The following DEAF1 variants were observed in gnomAD, a reference collection of about 807,000 sequenced individuals.
DEAF1 encodes deformed epidermal autoregulatory factor 1 homolog.
Under a neutral mutation model 58.9 loss-of-function variants are expected in DEAF1, and 53 were observed. The ratio of observed to expected loss-of-function variants is 0.90; its 90% CI spans 0.72 to 1.13. The LOEUF is 1.13. DEAF1 is among the 50% of genes most tolerant of loss of function. The pLI is 0.00. For missense variants in DEAF1, 685 were observed against 791.4 expected (o/e 0.87, Z 1.61); for synonymous variants, 385 against 340.4 (o/e 1.13, Z -1.44).
chr11:678,249 A>G (rs1038417707), intron 9 of DEAF1: 8 of 196,178 alleles, frequency 4.1e-5, no homozygotes, highest in Non-Finnish European at 8.5e-5. Flanking sequence ...TCAAAGTTAG[A>G]ATGCATTTAC....
At chr11:651,738 C>G (rs1007333970) in intron 11 of DEAF1, among the ~76,000 whole-genome samples, 2 of 152,034 alleles carry the variant, frequency 1.3e-5, no homozygotes, top group Non-Finnish European at 2.9e-5. Flanking sequence ...TACAAAAAAT[C>G]AGCCGGGCGT....
chr11:694,956 G>A lies in DEAF1; in HGVS notation c.92C>T (p.Ala31Val), dbSNP rs1168147612. The change falls in exon 1 of 12, where the codon GCC becomes GTC. Residue 31 changes from alanine (A) to valine (V), a missense_variant. Coordinates refer to ENST00000382409, the MANE Select transcript of DEAF1 (RefSeq NM_021008.4). Reference sequence around the variant, plus strand: ...CTCCTCCGCCTCGCCTCCTGCCGCGGCCGCGGCCGCCGCCGCCACAGCGGC... The same window carrying A: ...CTCCTCCGCCTCGCCTCCTGCCGCGACCGCGGCCGCCGCCGCCACAGCGGC... Reference protein sequence around the residue: ...AAAAVAAAAAAAAGGEAEEPV... With the variant: ...AAAAVAAAAAVAAGGEAEEPV... 5.2e-6 allele frequency: 6 copies of A among 1,159,122 alleles called. No homozygotes were observed. The highest frequency in any genetic ancestry group is 6.4e-6 in the Non-Finnish European group (6 of 943,032). The allele number at this position is 1,159,122 out of a possible 1,614,324, so 71.8% of individuals were successfully genotyped here.
chr11:704,586 C>G, intron 1 of DEAF1: 4 of 1,279,702 alleles, frequency 3.1e-6, no homozygotes, highest in Non-Finnish European at 4.1e-6. Flanking sequence ...AGCCCACAAA[C>G]CATGCAGACC....
intron 8 of DEAF1, among the ~76,000 whole-genome samples, chr11:679,104 A>G (rs10902191): frequency 0.26 from 39,529 of 151,954 alleles, 5,784 homozygotes; most frequent in Non-Finnish European, 0.32. Flanking sequence ...CGAGGTCAGG[A>G]GATAGAGACC....
Position 688,276 on chromosome 11 carries a change from C to G in DEAF1, c.517+55G>C. 6.3e-7 allele frequency: 1 copy of G among 1,592,490 alleles called. No homozygotes were observed. Among genetic ancestry groups the G allele is most frequent in the Middle Eastern group, 1.7e-4 (1 of 5,972 alleles). On this transcript the variant is annotated intron_variant, in intron 3 of 11. Transcript: ENST00000382409. The surrounding 1 kb of genome is among the most constrained non-coding windows in gnomAD (Gnocchi z 4.3). Reference sequence around the variant, plus strand: ...AGTAAATAAATCCCTGAAATAAATTCTAGCTATTCTGAAACGTGTTTTGCC... The same window carrying G: ...AGTAAATAAATCCCTGAAATAAATTGTAGCTATTCTGAAACGTGTTTTGCC...
At chr11:669,681 G>C (rs556449113) in intron 10 of DEAF1, among the ~76,000 whole-genome samples, 2 of 151,424 alleles carry the variant, frequency 1.3e-5, no homozygotes, top group African/African-American at 2.4e-5. Context: ...TGTAATCCCA[G>C]CACTTTGGGA....
At chr11:702,330 C>G (rs147453931) in intron 1 of DEAF1, among the ~76,000 whole-genome samples, 1 of 152,234 alleles carries the variant, frequency 6.6e-6, no homozygotes, top group Non-Finnish European at 1.5e-5. Flanking sequence ...CACAGAGGCC[C>G]GGTTCTTGGC....
At chr11:686,243 G>C (rs1860587928) in intron 5 of DEAF1, among the ~76,000 whole-genome samples, 1 of 141,184 alleles carries the variant, frequency 7.1e-6, no homozygotes, top group Non-Finnish European at 1.5e-5. Flanking sequence ...TGTGAGCCAA[G>C]ATCAAGCCAC....
intron 9 of DEAF1, among the ~76,000 whole-genome samples, chr11:674,985 T>TA (rs1198769354): frequency 6.6e-6 from 1 of 151,620 alleles, no homozygotes; most frequent in Non-Finnish European, 1.5e-5. Context: ...TCACTGTGTT[T>TA]AAAAAAATAC....
At chr11:701,980 G>A (rs1039698055) in intron 1 of DEAF1, among the ~76,000 whole-genome samples, 1 of 152,222 alleles carries the variant, frequency 6.6e-6, no homozygotes, top group African/African-American at 2.4e-5. Context: ...AAACACACGT[G>A]TTTGTGAAAC....
Position 691,599 on chromosome 11 carries a change from C to A in DEAF1, c.290-1G>T. On this transcript the variant is annotated splice_acceptor_variant, in intron 1 of 11. Transcript: ENST00000382409. LOFTEE classifies it high-confidence loss of function. ...TTGGCCACTGTCACTGTGGTCACCTCTGCAACAGAAGGAGCCTCATTTAAC... is the reference window on the plus strand; with the variant it reads ...TTGGCCACTGTCACTGTGGTCACCTATGCAACAGAAGGAGCCTCATTTAAC... The A allele has an allele frequency of 6.2e-7, 1 of 1,613,272 alleles. No individual in the cohort carries two copies. Among genetic ancestry groups the A allele is most frequent in the Admixed American group, 1.7e-5 (1 of 60,006 alleles).
chr11:670,771 G>GTTTTTTTT (rs199899292), intron 10 of DEAF1, among the ~76,000 whole-genome samples: 7 of 45,288 alleles, frequency 1.5e-4, no homozygotes, highest in East Asian at 1.9e-3. Context: ...TTTTCTTTTT[G>GTTTTTTTT]TTTTTGTTTT....
intron 10 of DEAF1, among the ~76,000 whole-genome samples, chr11:659,248 A>T (rs62742260): frequency 1.4e-5 from 2 of 145,354 alleles, no homozygotes; most frequent in African/African-American, 5.2e-5. Flanking sequence ...AAAAAAAAAA[A>T]TTAGCTGGGC....
intron 10 of DEAF1, among the ~76,000 whole-genome samples, chr11:659,555 A>C (rs1315485198): frequency 6.6e-6 from 1 of 152,206 alleles, no homozygotes; most frequent in Non-Finnish European, 1.5e-5. Flanking sequence ...CGATGGAGCC[A>C]ACTCCGTGTC....
chr11:695,062 G>T lies in DEAF1; in HGVS notation c.-15C>A. ...GAGTCCTCCATCCGGACTCCGCCGA[G>T]CCTTCCCGAAGGCGCCGTCCGGGAC... On this transcript the variant is annotated 5_prime_UTR_variant, in exon 1 of 12. Coordinates refer to ENST00000382409, the MANE Select transcript of DEAF1 (RefSeq NM_021008.4). 6.9e-7 allele frequency: 1 copy of T among 1,439,130 alleles called. No homozygotes were observed. Among genetic ancestry groups the T allele is most frequent in the Non-Finnish European group, 9.1e-7 (1 of 1,097,032 alleles). 89.1% of individuals were successfully genotyped at this position (1,439,130 alleles called of 1,614,324 possible).
chr11:668,616 A>G (rs1859662801), intron 10 of DEAF1, among the ~76,000 whole-genome samples: 1 of 152,080 alleles, frequency 6.6e-6, no homozygotes, highest in Non-Finnish European at 1.5e-5. Flanking sequence ...TGAGCTCAGG[A>G]GTTTGAGATC....
At chr11:681,409 TTC>T (rs1455811622) in intron 6 of DEAF1, among the ~76,000 whole-genome samples, 3 of 77,834 alleles carry the variant, frequency 3.9e-5, no homozygotes, top group South Asian at 7.5e-4. Context: ...TTTTCTTTCT[TTC>T]TTTTTTTTTT....
At chr11:646,599 T>A (rs1304425860) in intron 11 of DEAF1, 1 of 152,194 alleles carries the variant, frequency 6.6e-6, no homozygotes. Flanking sequence ...GTGTTGACTC[T>A]GAGCTACAGA....
At chr11:653,885 G>A in intron 11 of DEAF1, 77 bp downstream of exon 11, 13 of 1,296,366 alleles carry the variant, frequency 1.0e-5, no homozygotes, top group Non-Finnish European at 1.5e-5. Flanking sequence ...GGAGCACAAG[G>A]GGAGGGAGGG....
Sources: allele counts gnomAD v4.1 joint callset (sites outside exome capture counted in the v4.1 genomes callset), GRCh38; gene constraint gnomAD v4.1.1; non-coding constraint Gnocchi (gnomAD v3.1); transcripts MANE v1.5; gene names NCBI Gene and HGNC (gene_info 2026-07-23, HGNC 2026-07-21).